NOP9: variants seen among roughly 807,000 people sequenced by gnomAD.
The protein encoded by NOP9 is NOP9 nucleolar protein.
NOP9 carries 50 observed loss-of-function variants against 63.0 expected under a neutral mutation model. The observed-to-expected ratio is 0.79, with a 90% CI of 0.63 to 1.00. The LOEUF (loss-of-function observed/expected upper bound fraction) is 1.00, where lower values mean the gene tolerates loss of function less well. NOP9 is among the 50% of genes least tolerant of loss of function. The pLI is 0.00. For missense variants in NOP9, 758 were observed against 803.0 expected (o/e 0.94, Z 0.68); for synonymous variants, 343 against 332.8 (o/e 1.03, Z -0.33).
chr14:24,277,804 G>T, the NOP9 span, among the ~76,000 whole-genome samples: 1 of 152,180 alleles, frequency 6.6e-6, no homozygotes, highest in Non-Finnish European at 1.5e-5. Flanking sequence ...GGAATCTTGG[G>T]TGGGGGTGCT....
chr14:24,292,442 C>A, the NOP9 span: 1 of 1,522,920 alleles, frequency 6.6e-7, no homozygotes, highest in Non-Finnish European at 8.9e-7. Flanking sequence ...CCCAGGAGCC[C>A]CAAGGTCTCA....
chr14:24,304,995 T>A lies in NOP9; in HGVS notation c.1811T>A (p.Val604Glu). 6.2e-7 allele frequency: 1 copy of A among 1,601,560 alleles called. No homozygotes were observed. Residue 604 changes from valine (V) to glutamate (E), a missense_variant, in exon 10 of 10, where the codon GTG becomes GAG. Val to Glu is a moderately radical substitution (Grantham distance 121, BLOSUM62 -2). Transcript: ENST00000267425. ...TTCGGCCACCATGTGGCTCGAAATG[T>A]GGCCTTGACTACCTTCCTAAAGCGG... ...DPFGHHVARNVALTTFLKRRE... is the reference protein window; with the variant it reads ...DPFGHHVARNEALTTFLKRRE...
chr14:24,281,967 G>A, the NOP9 span, among the ~76,000 whole-genome samples: 20 of 152,176 alleles, frequency 1.3e-4, no homozygotes, highest in Non-Finnish European at 2.4e-4. Context: ...CAGCATTTTG[G>A]GAGGCCAAGG....
chr14:24,304,256 C>T lies in NOP9; in HGVS notation c.1626C>T (p.Arg542=). ...CCTCTGTGACGCGCAAGCTGCGCCG[C>T]CGTGTGCTGCAGAACCTAAAGGTTA... ...TSPSVTRKLR[R]RVLQNLKGQY... The change falls in exon 8 of 10, where the codon CGC becomes CGT. Residue 542 remains arginine (R), a synonymous_variant. Transcript: ENST00000267425. 1 of 1,613,924 alleles carries T rather than the reference C, an allele frequency of 6.2e-7. No homozygotes were observed. The highest frequency in any genetic ancestry group is 1.6e-4 in the Middle Eastern group (1 of 6,062).
At chr14:24,285,088 A>G in the NOP9 span, among the ~76,000 whole-genome samples, 1 of 152,156 alleles carries the variant, frequency 6.6e-6, no homozygotes, top group East Asian at 1.9e-4. Context: ...CAAAGCTCAC[A>G]TTAGTGGGGA....
chr14:24,307,683 G>A lies in NOP9; in HGVS notation c.*2588G>A. ...GCAGGTGGGGGCGGGTGGCTCAGGA[G>A]CTTGACAAGCCCACTGTGGAGTGGG... On this transcript the variant is annotated 3_prime_UTR_variant, in exon 10 of 10. Transcript: ENST00000267425. The A allele has an allele frequency of 8.0e-7, 1 of 1,257,286 alleles. No homozygotes were observed. The highest frequency in any genetic ancestry group is 1.1e-6 in the Non-Finnish European group (1 of 884,570). 77.9% of individuals were successfully genotyped at this position (1,257,286 alleles called of 1,614,324 possible). A position where few individuals can be genotyped will look rare whatever the true frequency, so the allele number is the denominator to read the frequency against.
chr14:24,302,116 G>A lies in NOP9; in HGVS notation c.950+10G>A. Reference sequence around the variant, plus strand: ...CCTCAGTAGATGGCAGGTATGGTCAGGGCCTCAGGATCGACCCAAGTTGGC... The same window carrying A: ...CCTCAGTAGATGGCAGGTATGGTCAAGGCCTCAGGATCGACCCAAGTTGGC... On this transcript the variant is annotated intron_variant, in intron 4 of 9. Transcript: ENST00000267425. 2 of 1,611,676 alleles carry A rather than the reference G, an allele frequency of 1.2e-6. No individual in the cohort carries two copies. Among genetic ancestry groups the A allele is most frequent in the Non-Finnish European group, 1.7e-6 (2 of 1,178,206 alleles).
chr14:24,299,173 T>G, upstream of NOP9: 1 of 1,539,672 alleles, frequency 6.5e-7, no homozygotes, highest in Non-Finnish European at 8.8e-7. Context: ...CTGGAGACTG[T>G]GTGTGTGTTG....
At position 24,306,823 on chromosome 14, in the gene NOP9, C is replaced by T. The variant is rs1305201921; in HGVS notation, c.*1728C>T. On this transcript the variant is annotated 3_prime_UTR_variant, in exon 10 of 10. Transcript: ENST00000267425. Reference sequence around the variant, plus strand: ...AAGCCAGGTTCTCACGAAGTCCACCCTTCTGTCTTATCTACAATGCTGCAC... The same window carrying T: ...AAGCCAGGTTCTCACGAAGTCCACCTTTCTGTCTTATCTACAATGCTGCAC... 2.2e-6 allele frequency: 1 copy of T among 445,326 alleles called. No individual in the cohort carries two copies. The highest frequency in any genetic ancestry group is 2.0e-5 in the African/African-American group (1 of 50,442). 27.6% of individuals were successfully genotyped at this position (445,326 alleles called of 1,614,324 possible).
In NOP9 at chr14:24,305,880, A is replaced by G; in HGVS notation, c.*785A>G. 1 of 1,583,624 alleles carries G rather than the reference A, an allele frequency of 6.3e-7. No homozygotes were observed. Among genetic ancestry groups the G allele is most frequent in the Non-Finnish European group, 8.6e-7 (1 of 1,161,300 alleles). On this transcript the variant is annotated 3_prime_UTR_variant, in exon 10 of 10. Coordinates refer to ENST00000267425, the MANE Select transcript of NOP9 (RefSeq NM_174913.3). Reference sequence around the variant, plus strand: ...GAGCTAACTAGGGGTAGGTGGGTGCAAGAGGACGAATTATGGGGACTATCC... The same window carrying G: ...GAGCTAACTAGGGGTAGGTGGGTGCGAGAGGACGAATTATGGGGACTATCC...
the NOP9 span, among the ~76,000 whole-genome samples, chr14:24,277,914 G>T: frequency 1.3e-5 from 2 of 152,188 alleles, no homozygotes; most frequent in Non-Finnish European, 2.9e-5. Context: ...CAAATATTGG[G>T]AAATCTGAGT....
Position 24,307,610 on chromosome 14 carries a change from G to A in NOP9, c.*2515G>A. On this transcript the variant is annotated 3_prime_UTR_variant, in exon 10 of 10. Coordinates refer to ENST00000267425, the MANE Select transcript of NOP9 (RefSeq NM_174913.3). ...GTAGAGTGGCTAGAGGGCTAGGGAG[G>A]GAGAGATCTAGGTTTATCGATTAGG... 4.1e-6 allele frequency: 6 copies of A among 1,446,676 alleles called. No individual in the cohort carries two copies. The highest frequency in any genetic ancestry group is 5.7e-6 in the Non-Finnish European group (6 of 1,048,216). The allele number at this position is 1,446,676 out of a possible 1,614,324, so 89.6% of individuals were successfully genotyped here.
intron 6 of NOP9, 104 bp downstream of exon 6, chr14:24,303,318 A>G (rs1594621166): frequency 1.4e-6 from 2 of 1,431,806 alleles, no homozygotes; most frequent in East Asian, 2.3e-5. Flanking sequence ...CAGGAAGTCT[A>G]ATGCCCAAGG....
rs762650848 is a variant in NOP9, at chr14:24,306,165, G to C, written c.*1070G>C. ...GTAGGACACCCTTGTCAGTGCAGTAGATCCTCATACCAGACACCCACCACT... is the reference window on the plus strand; with the variant it reads ...GTAGGACACCCTTGTCAGTGCAGTACATCCTCATACCAGACACCCACCACT... On this transcript the variant is annotated 3_prime_UTR_variant, in exon 10 of 10. Transcript: ENST00000267425. 1.2e-6 allele frequency: 2 copies of C among 1,603,854 alleles called. No homozygotes were observed. The highest frequency in any genetic ancestry group is 1.7e-6 in the Non-Finnish European group (2 of 1,173,104).
the NOP9 span, among the ~76,000 whole-genome samples, chr14:24,273,649 T>G: frequency 6.6e-6 from 1 of 152,186 alleles, no homozygotes; most frequent in Non-Finnish European, 1.5e-5. Context: ...GTTAAGCCAT[T>G]TATTGGTTCT....
upstream of NOP9, among the ~76,000 whole-genome samples, chr14:24,295,077 G>T (rs984284608): frequency 6.6e-6 from 1 of 152,020 alleles, no homozygotes; most frequent in African/African-American, 2.4e-5. Flanking sequence ...CCTAAGGGAA[G>T]TACATATTCT....
At chr14:24,280,649 A>G in the NOP9 span, among the ~76,000 whole-genome samples, 1 of 152,262 alleles carries the variant, frequency 6.6e-6, no homozygotes, top group Non-Finnish European at 1.5e-5. Flanking sequence ...TGACCAAGAC[A>G]GACAAGGTCC....
At chr14:24,274,668 G>A in the NOP9 span, among the ~76,000 whole-genome samples, 2 of 151,542 alleles carry the variant, frequency 1.3e-5, no homozygotes, top group Non-Finnish European at 2.9e-5. Context: ...TGGAGTAGTG[G>A]TGCGGTGTCT....
rs71119069 is a variant in NOP9, at chr14:24,300,643, AGAG to A, written c.507_509del (p.Glu169del). The A allele has an allele frequency of 1.7e-3, 2,617 of 1,567,846 alleles. 10 individuals carry two copies. Among genetic ancestry groups the A allele is most frequent in the Middle Eastern group, 0.013 (74 of 5,754 alleles). ...TCCCTCGATTGCTGGGGAGTGCTGC[AGAG>A]GAGGAGGAGGAGGAGGAGGAGGATG... On this transcript the variant is annotated inframe_deletion, in exon 2 of 10. Coordinates refer to ENST00000267425, the MANE Select transcript of NOP9 (RefSeq NM_174913.3).
Sources: gnomAD v4.1 joint callset for allele counts (sites outside exome capture counted in the v4.1 genomes callset) on GRCh38, gnomAD v4.1.1 for gene constraint, MANE v1.5 for transcripts, NCBI Gene and HGNC (gene_info 2026-07-23, HGNC 2026-07-21) for gene names.